NMNAT2: variants seen among roughly 807,000 people sequenced by gnomAD.
The protein encoded by NMNAT2 is nicotinamide nucleotide adenylyltransferase 2, also known as nicotinamide/nicotinic acid mononucleotide adenylyltransferase 2.
NMNAT2 carries 11 observed loss-of-function variants against 41.6 expected under a neutral mutation model. The observed-to-expected ratio is 0.26, with a 90% CI of 0.17 to 0.44. The LOEUF is 0.44. NMNAT2 is among the 20% of genes least tolerant of loss of function. NMNAT2 has a pLI of 1.00. For synonymous variants in NMNAT2, 148 were observed against 151.2 expected, an observed-to-expected ratio of 0.98 and a Z score of 0.16; for missense variants, 288 against 407.7, an observed-to-expected ratio of 0.71 and a Z score of 2.53.
At position 183,252,535 on chromosome 1, in the gene NMNAT2, A is replaced by G; in HGVS notation, c.*106T>C. 4 of 843,176 alleles carry G rather than the reference A, an allele frequency of 4.7e-6. No individual in the cohort carries two copies. The highest frequency in any genetic ancestry group is 1.7e-5 in the Admixed American group (1 of 57,592). 52.2% of individuals were successfully genotyped at this position (843,176 alleles called of 1,614,324 possible). On this transcript the variant is annotated 3_prime_UTR_variant, in exon 11 of 11. Coordinates refer to ENST00000287713, the MANE Select transcript of NMNAT2 (RefSeq NM_015039.4). ...ACTATGGGGGGTTAAGTCAGCAAGTAGGGAAAACAGTCAAGACGAGGAGAT... is the reference window on the plus strand; with the variant it reads ...ACTATGGGGGGTTAAGTCAGCAAGTGGGGAAAACAGTCAAGACGAGGAGAT...
chr1:183,272,163 C>T (rs933210434), intron 8 of NMNAT2, among the ~76,000 whole-genome samples: 1 of 152,218 alleles, frequency 6.6e-6, no homozygotes, highest in Non-Finnish European at 1.5e-5. Context: ...GTGCAAATGC[C>T]TTCTGCTTCA....
chr1:183,330,019 G>A (rs1417711092), intron 1 of NMNAT2, among the ~76,000 whole-genome samples: 1 of 152,178 alleles, frequency 6.6e-6, no homozygotes, highest in Non-Finnish European at 1.5e-5. Context: ...ATCGAACGGG[G>A]AGACAAGGGG....
At chr1:183,255,845 T>C (rs1345474585) in intron 10 of NMNAT2, among the ~76,000 whole-genome samples, 1 of 151,866 alleles carries the variant, frequency 6.6e-6, no homozygotes, top group Non-Finnish European at 1.5e-5. Flanking sequence ...TGTATTTCTG[T>C]TAGAGACAGG....
intron 8 of NMNAT2, chr1:183,266,791 T>C: frequency 4.9e-6 from 1 of 205,558 alleles, no homozygotes; most frequent in Non-Finnish European, 1.0e-5. Flanking sequence ...ACTGCCTGAC[T>C]CACTTCCATG....
intron 1 of NMNAT2, among the ~76,000 whole-genome samples, chr1:183,390,384 C>T (rs767753516): frequency 1.3e-5 from 2 of 152,182 alleles, no homozygotes; most frequent in Non-Finnish European, 2.9e-5. Flanking sequence ...TATAACGGAG[C>T]TGAGCCTGAG....
chr1:183,306,176 C>A (rs1396978869), intron 1 of NMNAT2, among the ~76,000 whole-genome samples: 4 of 38,540 alleles, frequency 1.0e-4, no homozygotes, highest in African/African-American at 3.1e-4. Flanking sequence ...CCTGGGAGAC[C>A]TTAGTCCCCG....
chr1:183,387,838 C>T (rs888445446), intron 1 of NMNAT2, among the ~76,000 whole-genome samples: 9 of 152,112 alleles, frequency 5.9e-5, no homozygotes, highest in African/African-American at 9.7e-5. Flanking sequence ...TCTGAAGTGC[C>T]GAAGGCTCAA....
At chr1:183,358,537 A>G (rs1301615194) in intron 1 of NMNAT2, among the ~76,000 whole-genome samples, 1 of 152,208 alleles carries the variant, frequency 6.6e-6, no homozygotes, top group Non-Finnish European at 1.5e-5. Context: ...GTAAAGGTGC[A>G]AAGGTGAAAA....
At chr1:183,360,913 A>T (rs1204884757) in intron 1 of NMNAT2, among the ~76,000 whole-genome samples, 1 of 152,310 alleles carries the variant, frequency 6.6e-6, no homozygotes, top group Admixed American at 6.5e-5. Flanking sequence ...AAAATCTCAA[A>T]CCTTATAAAA....
intron 1 of NMNAT2, among the ~76,000 whole-genome samples, chr1:183,342,470 G>C (rs1424138490): frequency 6.6e-6 from 1 of 152,158 alleles, no homozygotes; most frequent in African/African-American, 2.4e-5. Flanking sequence ...CTCCACAAAA[G>C]GGGTAGAGAT....
chr1:183,372,439 C>T (rs951444734), intron 1 of NMNAT2, among the ~76,000 whole-genome samples: 4 of 152,110 alleles, frequency 2.6e-5, no homozygotes, highest in Admixed American at 6.5e-5. Context: ...GGAAGCAAGA[C>T]ACCAAGACAG....
At chr1:183,385,672 A>G (rs1648222325) in intron 1 of NMNAT2, among the ~76,000 whole-genome samples, 3 of 152,202 alleles carry the variant, frequency 2.0e-5, no homozygotes, top group Admixed American at 2.0e-4. Context: ...ATCACCTCAC[A>G]TATGAGATTT....
intron 1 of NMNAT2, among the ~76,000 whole-genome samples, chr1:183,337,713 G>A (rs539052540): frequency 5.9e-5 from 9 of 152,126 alleles, no homozygotes; most frequent in South Asian, 2.1e-4. Context: ...GGCAACAATC[G>A]TTTCCTGCTC....
rs576842439 is a variant in NMNAT2, at chr1:183,343,734, A to T, written c.86-49941T>A. ...CTCCAATCTATCCTTCAAATTTTTT[A>T]AAAAAGTGATTTATTTTCCCTAATT... On this transcript the variant is annotated intron_variant, in intron 1 of 10. Coordinates refer to ENST00000287713, the MANE Select transcript of NMNAT2 (RefSeq NM_015039.4). Among the ~76,000 whole-genome samples the T allele has an allele frequency of 1.5e-3, 225 of 152,296 alleles. 1 individual carries two copies. The highest frequency in any genetic ancestry group is 4.9e-3 in the African/African-American group (202 of 41,556).
At chr1:183,316,157 T>A (rs984156997) in intron 1 of NMNAT2, among the ~76,000 whole-genome samples, 38 of 152,198 alleles carry the variant, frequency 2.5e-4, no homozygotes, top group African/African-American at 8.4e-4. Context: ...GGAGGTGACA[T>A]CACAGGCCCA....
At chr1:183,284,647 G>T in intron 6 of NMNAT2, 63 bp downstream of exon 6, 1 of 1,361,082 alleles carries the variant, frequency 7.3e-7, no homozygotes, top group African/African-American at 1.4e-5. Context: ...CTTTGCTGAA[G>T]GAATGAAGGG....
chr1:183,346,337 TC>T (rs1662927845), intron 1 of NMNAT2, among the ~76,000 whole-genome samples: 1 of 152,158 alleles, frequency 6.6e-6, no homozygotes. Flanking sequence ...CTCTTCGATT[TC>T]CCAGCCATAA....
intron 1 of NMNAT2, among the ~76,000 whole-genome samples, chr1:183,385,522 T>C (rs1648206732): frequency 1.3e-5 from 2 of 152,026 alleles, no homozygotes; most frequent in Admixed American, 6.6e-5. Flanking sequence ...TGAACTTGCA[T>C]ATATTCTGTG....
chr1:183,373,871 G>C (rs2101912348), intron 1 of NMNAT2, among the ~76,000 whole-genome samples: 1 of 152,284 alleles, frequency 6.6e-6, no homozygotes, highest in East Asian at 1.9e-4. Flanking sequence ...GCCCGCCTCA[G>C]CCTCCCAAAG....
Sources: gnomAD v4.1 joint callset for allele counts (sites outside exome capture counted in the v4.1 genomes callset) on GRCh38, gnomAD v4.1.1 for gene constraint, MANE v1.5 for transcripts, NCBI Gene and HGNC (gene_info 2026-07-23, HGNC 2026-07-21) for gene names.